Variants in MCTP1 observed in about 807,000 individuals in gnomAD.
The protein encoded by MCTP1 is multiple C2 and transmembrane domain-containing protein 1.
Under a neutral mutation model 120.6 loss-of-function variants are expected in MCTP1, and 69 were observed. That is an observed-to-expected ratio of 0.57 (90% CI 0.47 to 0.70). The LOEUF (loss-of-function observed/expected upper bound fraction) is 0.70, where lower values mean the gene tolerates loss of function less well. MCTP1 is among the 30% of genes least tolerant of loss of function. The pLI, the probability that MCTP1 is intolerant of heterozygous loss-of-function variation, is 0.00. For missense variants in MCTP1, 1,203 were observed against 1,248.8 expected, an observed-to-expected ratio of 0.96 and a Z score of 0.55; for synonymous variants, 529 against 493.1, an observed-to-expected ratio of 1.07 and a Z score of -0.96.
chr5:94,829,968 G>A (rs922162546), intron 17 of MCTP1, among the ~76,000 whole-genome samples: 1 of 152,054 alleles, frequency 6.6e-6, no homozygotes, highest in African/African-American at 2.4e-5. Flanking sequence ...ATCCTGCTTT[G>A]TGAGTGAGTA....
chr5:94,877,270 AT>A (rs1799089828), intron 12 of MCTP1, among the ~76,000 whole-genome samples: 1 of 152,140 alleles, frequency 6.6e-6, no homozygotes, highest in South Asian at 2.1e-4. Context: ...AATAGTCTCT[AT>A]AATACAAAAA....
At chr5:95,011,861 T>C (rs1299420518) in intron 2 of MCTP1, among the ~76,000 whole-genome samples, 5 of 152,190 alleles carry the variant, frequency 3.3e-5, no homozygotes, top group African/African-American at 1.2e-4. Flanking sequence ...AATGTTCCTT[T>C]AAGTTGGCTC....
At chr5:94,947,575 TATAGAGAGAGAGAGAG>T (rs1296935664) in intron 3 of MCTP1, among the ~76,000 whole-genome samples, 7 of 47,410 alleles carry the variant, frequency 1.5e-4, no homozygotes, top group Admixed American at 2.3e-4. Flanking sequence ...TATATATATA[TATAGAGAGAGAGAGAG>T]AGAGAGAGAG....
intron 10 of MCTP1, among the ~76,000 whole-genome samples, chr5:94,895,257 T>C (rs994151492): frequency 1.3e-5 from 2 of 152,222 alleles, no homozygotes; most frequent in Non-Finnish European, 2.9e-5. Flanking sequence ...CATTCGTAAA[T>C]GTTATTAAGC....
Position 95,085,916 on chromosome 5 carries a change from T to A in MCTP1, c.721-68432A>T, listed in dbSNP as rs374731687. ...CTTTTTTTCTATTGTGTTATTTGCCTTTTCCTGAGAAATATTTAGGAGGTC... is the reference window on the plus strand; with the variant it reads ...CTTTTTTTCTATTGTGTTATTTGCCATTTCCTGAGAAATATTTAGGAGGTC... On this transcript the variant is annotated intron_variant, in intron 1 of 22. Coordinates refer to ENST00000515393, the MANE Select transcript of MCTP1 (RefSeq NM_024717.7). 2.0e-5 allele frequency among the ~76,000 whole-genome samples: 3 copies of A among 152,128 alleles called. No homozygotes were observed. In the East Asian group the frequency reaches 5.8e-4, roughly 29 times the overall value.
At chr5:94,932,725 T>A (rs1815115699) in intron 5 of MCTP1, among the ~76,000 whole-genome samples, 3 of 152,022 alleles carry the variant, frequency 2.0e-5, no homozygotes, top group African/African-American at 7.2e-5. Flanking sequence ...ACTGAAGTAT[T>A]AACCTTCCTG....
intron 19 of MCTP1, among the ~76,000 whole-genome samples, chr5:94,766,754 C>T (rs890145230): frequency 1.3e-5 from 2 of 151,544 alleles, no homozygotes; most frequent in African/African-American, 4.8e-5. Flanking sequence ...AACAGAAAAC[C>T]TGAATAGGCC....
chr5:94,759,367 G>A (rs912816500), intron 19 of MCTP1, among the ~76,000 whole-genome samples: 2 of 152,164 alleles, frequency 1.3e-5, no homozygotes, highest in African/African-American at 4.8e-5. Context: ...CACTGGGAAT[G>A]CTACCTACCC....
rs1027742782 is a variant in MCTP1 at position 94,837,389 on chromosome 5, A to G, written c.2436+30944T>C. Among the ~76,000 whole-genome samples, 5 of 152,116 alleles carry G rather than the reference A, an allele frequency of 3.3e-5. No individual in the cohort carries two copies. The East Asian group carries it at 5.8e-4, about 18-fold the overall frequency. On this transcript the variant is annotated intron_variant, in intron 17 of 22. Coordinates refer to ENST00000515393, the MANE Select transcript of MCTP1 (RefSeq NM_024717.7). ...GTGTGACACCCTGTCTCAAACAAAC[A>G]AAACAAAACAAAAATGACACAGGGA...
intron 20 of MCTP1, 79 bp downstream of exon 20, chr5:94,714,698 T>A: frequency 1.2e-6 from 1 of 834,580 alleles, no homozygotes; most frequent in Admixed American, 1.8e-5. Context: ...CCAAAAAGAA[T>A]GTGGCATTTC....
intron 1 of MCTP1, among the ~76,000 whole-genome samples, chr5:95,057,601 A>G (rs150203546): frequency 0.013 from 2,028 of 152,338 alleles, 29 homozygotes; most frequent in South Asian, 0.035. Context: ...TTAGAAGACA[A>G]TAATTCTCTT....
intron 1 of MCTP1, among the ~76,000 whole-genome samples, chr5:95,281,466 G>T (rs1760308040): frequency 6.6e-6 from 1 of 152,112 alleles, no homozygotes; most frequent in Non-Finnish European, 1.5e-5. Context: ...GCCATTATTT[G>T]TGACTCATTA....
chr5:95,186,281 G>GA (rs1053012598), intron 1 of MCTP1, among the ~76,000 whole-genome samples: 138 of 136,590 alleles, frequency 1.0e-3, no homozygotes, highest in Middle Eastern at 3.6e-3. Flanking sequence ...AGAAAAAAAA[G>GA]AAAAAAAAAA....
At chr5:95,017,836 A>G (rs1837412816) in intron 1 of MCTP1, among the ~76,000 whole-genome samples, 1 of 152,158 alleles carries the variant, frequency 6.6e-6, no homozygotes, top group Non-Finnish European at 1.5e-5. Context: ...TGAGTGGAGA[A>G]TAAGAGTGCA....
At chr5:94,711,012 C>T (rs1756736988) in intron 20 of MCTP1, 85 bp from the exon 21 acceptor site, 1 of 906,628 alleles carries the variant, frequency 1.1e-6, no homozygotes, top group African/African-American at 1.7e-5. Context: ...AACTTGGGAC[C>T]TAGTTAGTCT....
intron 12 of MCTP1, among the ~76,000 whole-genome samples, chr5:94,880,431 A>AATT (rs1359189773): frequency 1.3e-5 from 2 of 152,156 alleles, no homozygotes; most frequent in Non-Finnish European, 2.9e-5. Flanking sequence ...TGCTTAAAAA[A>AATT]ATTAAGTCCT....
intron 1 of MCTP1, among the ~76,000 whole-genome samples, chr5:95,270,033 T>C (rs462526): frequency 0.86 from 130,739 of 152,238 alleles, 56,276 homozygotes; most frequent in African/African-American, 0.92. Context: ...CTATAGAATA[T>C]AGAAAATGAA....
intron 17 of MCTP1, among the ~76,000 whole-genome samples, chr5:94,852,076 A>C (rs375337541): frequency 3.2e-4 from 48 of 152,064 alleles, no homozygotes; most frequent in African/African-American, 9.4e-4. Flanking sequence ...ATTTTAAGAA[A>C]GATTGAAAAA....
At chr5:94,740,547 T>C (rs991639946) in intron 19 of MCTP1, among the ~76,000 whole-genome samples, 2 of 152,100 alleles carry the variant, frequency 1.3e-5, no homozygotes, top group East Asian at 1.9e-4. Context: ...TGGAGTAAAT[T>C]TGGTGTGGTT....
Sources: allele counts gnomAD v4.1 joint callset (sites outside exome capture counted in the v4.1 genomes callset), GRCh38; gene constraint gnomAD v4.1.1; transcripts MANE v1.5; gene names NCBI Gene and HGNC (gene_info 2026-07-23, HGNC 2026-07-21).